Variants in PLEKHH2 observed in about 807,000 individuals in gnomAD.
The protein encoded by PLEKHH2 is pleckstrin homology, MyTH4 and FERM domain containing H2, also known as pleckstrin homology domain-containing family H member 2.
PLEKHH2 carries 129 observed loss-of-function variants against 187.9 expected under a neutral mutation model. The ratio of observed to expected loss-of-function variants is 0.69; its 90% CI spans 0.59 to 0.79. The LOEUF (loss-of-function observed/expected upper bound fraction) is 0.79. PLEKHH2 is among the 30% of genes least tolerant of loss of function. The pLI is 0.00. For synonymous variants in PLEKHH2, 686 were observed against 605.6 expected (o/e 1.13, Z -1.95); for missense variants, 2,076 against 1,751.2 (o/e 1.19, Z -3.31).
chr2:43,644,634 C>A (rs929414905), intron 1 of PLEKHH2, 37 bp from the exon 2 acceptor site: 2 of 1,438,542 alleles, frequency 1.4e-6, no homozygotes, highest in Admixed American at 2.4e-5. Context: ...GAATGTTTTA[C>A]TTTTTAATTT....
At chr2:43,747,053 C>G (rs1671810000) in intron 24 of PLEKHH2, among the ~76,000 whole-genome samples, 1 of 147,084 alleles carries the variant, frequency 6.8e-6, no homozygotes, top group Admixed American at 6.8e-5. Context: ...CATATTTATT[C>G]CTTCTCAGTC....
chr2:43,716,111 G>T (rs1239626231), intron 15 of PLEKHH2, among the ~76,000 whole-genome samples: 1 of 152,148 alleles, frequency 6.6e-6, no homozygotes, highest in Non-Finnish European at 1.5e-5. Flanking sequence ...ATACCTTTCA[G>T]TATGTTAGAA....
At chr2:43,645,904 A>C (rs1049626962) in intron 2 of PLEKHH2, among the ~76,000 whole-genome samples, 1 of 152,164 alleles carries the variant, frequency 6.6e-6, no homozygotes, top group South Asian at 2.1e-4. Flanking sequence ...AGATTGGTAC[A>C]TGTATCATAT....
At chr2:43,708,078 G>A (rs1190836359) in intron 11 of PLEKHH2, among the ~76,000 whole-genome samples, 2 of 152,166 alleles carry the variant, frequency 1.3e-5, no homozygotes, top group East Asian at 3.9e-4. Flanking sequence ...GCAGCATGGT[G>A]TGTCTGTTGG....
intron 2 of PLEKHH2, among the ~76,000 whole-genome samples, chr2:43,666,907 G>A (rs574212130): frequency 1.3e-5 from 2 of 152,172 alleles, no homozygotes; most frequent in South Asian, 4.1e-4. Context: ...TTTCTTAATA[G>A]TAAGTATTGG....
rs1262026770 is a variant in PLEKHH2 at position 43,697,226 on chromosome 2, G to A, written c.558G>A (p.Gln186=). 6 of 1,613,840 alleles carry A rather than the reference G, an allele frequency of 3.7e-6. No individual in the cohort carries two copies. The highest frequency in any genetic ancestry group is 1.3e-5 in the African/African-American group (1 of 75,038). ...CTACACTAAAGCTTTCGGAAGGCCA[G>A]CGCCTGAGCAGTTTGACCTTTGGGT... ...TVSTLKLSEG[Q]RLSSLTFGCF... is the part of the protein sequence containing the mutation. The change falls in exon 7 of 30, where the codon CAG becomes CAA. Residue 186 remains glutamine (Q), a synonymous_variant. Transcript: ENST00000282406.
At chr2:43,648,535 G>A (rs1157997786) in intron 2 of PLEKHH2, among the ~76,000 whole-genome samples, 3 of 150,624 alleles carry the variant, frequency 2.0e-5, no homozygotes, top group African/African-American at 7.3e-5. Context: ...GTGAACAGGG[G>A]AGGTGACCTA....
At chr2:43,722,810 T>G (rs1670546595) in intron 16 of PLEKHH2, among the ~76,000 whole-genome samples, 1 of 152,154 alleles carries the variant, frequency 6.6e-6, no homozygotes, top group Middle Eastern at 3.2e-3. Flanking sequence ...GAAAAATAAT[T>G]TAATAAAAAT....
rs1481706413 is a variant in PLEKHH2, at chr2:43,727,670, T to C, written c.2721+1219T>C. On this transcript the variant is annotated intron_variant, in intron 17 of 29. Coordinates refer to ENST00000282406, the MANE Select transcript of PLEKHH2 (RefSeq NM_172069.4). ...TATCAGGCCAAGTGCTAAGTATATC[T>C]CTTCTTCATCCTTCCAATTACCCTC... 2.0e-5 allele frequency among the ~76,000 whole-genome samples: 3 copies of C among 152,196 alleles called. No homozygotes were observed. In the South Asian group the frequency reaches 6.2e-4, roughly 32 times the overall value.
In PLEKHH2 at chr2:43,720,658, T is replaced by C; in HGVS notation, c.2461-11T>C. On this transcript the variant is annotated splice_polypyrimidine_tract_variant and intron_variant, in intron 15 of 29. Transcript: ENST00000282406. ...GGGCTAAACTTGTAATTCATTGAAA[T>C]ATGGTTTCAGGTAAAACATGGATAT... 1 of 1,607,094 alleles carries C rather than the reference T, an allele frequency of 6.2e-7. No homozygotes were observed. The highest frequency in any genetic ancestry group is 8.5e-7 in the Non-Finnish European group (1 of 1,177,966).
intron 21 of PLEKHH2, 93 bp from the exon 22 acceptor site, chr2:43,742,648 T>C (rs926864861): frequency 1.1e-6 from 1 of 948,746 alleles, no homozygotes; most frequent in Non-Finnish European, 1.5e-6. Context: ...TAATACATTG[T>C]GATAATGTAC....
chr2:43,753,437 T>A (rs1021120585), intron 24 of PLEKHH2, among the ~76,000 whole-genome samples, 182 bp from the exon 25 acceptor site: 2 of 152,206 alleles, frequency 1.3e-5, no homozygotes, highest in South Asian at 2.1e-4. Flanking sequence ...AAGCAGTTTT[T>A]TCTTATTTTG....
At chr2:43,654,799 G>C (rs910474599) in intron 2 of PLEKHH2, among the ~76,000 whole-genome samples, 1 of 151,668 alleles carries the variant, frequency 6.6e-6, no homozygotes, top group Non-Finnish European at 1.5e-5. Context: ...GGCTGAGGTG[G>C]GCAGATCACT....
intron 14 of PLEKHH2, chr2:43,711,101 C>A (rs1669941649): frequency 2.0e-6 from 2 of 985,784 alleles, no homozygotes; most frequent in African/African-American, 3.5e-5. Flanking sequence ...ACACATAAGG[C>A]CAGTCTTGCC....
At chr2:43,735,234 T>C (rs558818128) in intron 19 of PLEKHH2, among the ~76,000 whole-genome samples, 1 of 152,202 alleles carries the variant, frequency 6.6e-6, no homozygotes, top group East Asian at 1.9e-4. Flanking sequence ...TGGAATATTA[T>C]TCAGCCATTA....
intron 20 of PLEKHH2, 54 bp from the exon 21 acceptor site, chr2:43,740,892 G>A: frequency 1.3e-6 from 2 of 1,597,038 alleles, no homozygotes; most frequent in South Asian, 2.3e-5. Context: ...TCACTCAGAT[G>A]TGGATCTCTG....
At position 43,679,639 on chromosome 2, in the gene PLEKHH2, G is replaced by A. The variant is rs186314749; in HGVS notation, c.186+714G>A. 784 of 263,978 alleles carry A rather than the reference G, an allele frequency of 3.0e-3. 3 individuals carry two copies. Among genetic ancestry groups the A allele is most frequent in the South Asian group, 3.7e-3 (112 of 30,422 alleles). 16.4% of individuals were successfully genotyped at this position (263,978 alleles called of 1,614,324 possible). A position where few individuals can be genotyped will look rare whatever the true frequency, so the allele number is the denominator to read the frequency against. ...ATCTCCTGAATAACTGGGATTACAG[G>A]TGCGCACCACCATACCCGGCTAATT... is the stretch of plus-strand genomic sequence containing the variant. On this transcript the variant is annotated intron_variant, in intron 3 of 29. Coordinates refer to ENST00000282406, the MANE Select transcript of PLEKHH2 (RefSeq NM_172069.4).
intron 2 of PLEKHH2, among the ~76,000 whole-genome samples, chr2:43,674,951 C>T (rs1281977590): frequency 6.6e-6 from 1 of 150,772 alleles, no homozygotes; most frequent in East Asian, 2.0e-4. Context: ...TGCCACTGCA[C>T]TCCAGCCTGG....
chr2:43,693,771 G>A (rs1391329108), intron 4 of PLEKHH2, among the ~76,000 whole-genome samples: 5 of 148,690 alleles, frequency 3.4e-5, no homozygotes, highest in Non-Finnish European at 7.4e-5. Flanking sequence ...TTGGGGTTAT[G>A]TACTTAATGC....
Sources: allele counts gnomAD v4.1 joint callset (sites outside exome capture counted in the v4.1 genomes callset), GRCh38; gene constraint gnomAD v4.1.1; transcripts MANE v1.5; gene names NCBI Gene and HGNC (gene_info 2026-07-23, HGNC 2026-07-21).